The following MIER2 variants were observed in gnomAD, a reference collection of about 807,000 sequenced individuals.
MIER2 encodes MIER family member 2.
Under a neutral mutation model 67.6 loss-of-function variants are expected in MIER2, and 30 were observed. The observed-to-expected ratio is 0.44, with a 90% CI of 0.33 to 0.60. MIER2 has a LOEUF of 0.60. Among genes scored for constraint, MIER2 ranks in the 20% least tolerant of loss-of-function variants. MIER2 has a pLI of 0.02. For synonymous variants in MIER2, 372 were observed against 312.6 expected, an observed-to-expected ratio of 1.19 and a Z score of -2.00; for missense variants, 702 against 745.1, an observed-to-expected ratio of 0.94 and a Z score of 0.67.
chr19:339,005 T>C (rs182557483), intron 1 of MIER2, among the ~76,000 whole-genome samples: 6 of 149,096 alleles, frequency 4.0e-5, no homozygotes, highest in Admixed American at 1.3e-4. Flanking sequence ...AATCTAAAAA[T>C]GTGGTGGGAA....
intron 7 of MIER2, among the ~76,000 whole-genome samples, chr19:325,262 A>G (rs1971686996): frequency 1.3e-5 from 2 of 152,234 alleles, no homozygotes; most frequent in South Asian, 4.1e-4. Flanking sequence ...GGTGCAGCGC[A>G]GCATCCGGCG....
In MIER2 at chr19:308,540, G is replaced by A. The variant is rs751152494; in HGVS notation, c.1198+37C>T. 35 of 1,547,270 alleles carry A rather than the reference G, an allele frequency of 2.3e-5. No homozygotes were observed. Among genetic ancestry groups the A allele is most frequent in the Admixed American group, 5.8e-5 (3 of 51,598 alleles). ...CCTCACTCACGGCTCCAGACCCGTG[G>A]CCGCCCCCAGGGCAGGAGATACTCC... is the stretch of plus-strand genomic sequence containing the variant. On this transcript the variant is annotated intron_variant, in intron 12 of 13. Coordinates refer to ENST00000264819, the MANE Select transcript of MIER2 (RefSeq NM_017550.3). The surrounding 1 kb of genome is among the most constrained non-coding windows in gnomAD (Gnocchi z 9.1).
chr19:314,178 C>T (rs1369124514), intron 7 of MIER2, among the ~76,000 whole-genome samples: 2 of 152,172 alleles, frequency 1.3e-5, no homozygotes, highest in African/African-American at 2.4e-5. Flanking sequence ...GGCACTGTCG[C>T]GCTCTAACCC....
chr19:307,930 C>G (rs931653495), intron 12 of MIER2, among the ~76,000 whole-genome samples: 8 of 117,996 alleles, frequency 6.8e-5, no homozygotes, highest in Admixed American at 4.0e-4. Flanking sequence ...TTCCCACAGG[C>G]AGCGCAAGGG....
rs993569471 is a variant in MIER2 at position 309,004 on chromosome 19, G to T, written c.985-79C>A. 9.8e-6 allele frequency: 15 copies of T among 1,538,202 alleles called. No individual in the cohort carries two copies. The African/African-American group carries it at 1.9e-4, about 20-fold the overall frequency. The stretch of plus-strand genomic sequence containing the variant: ...CTGCACCACGATCCCAGGACGTCCT[G>T]GGACCCCGGGACAGCACAGAAGGAG... On this transcript the variant is annotated intron_variant, in intron 10 of 13. Transcript: ENST00000264819.
chr19:325,975 G>A (rs893548709), intron 6 of MIER2, among the ~76,000 whole-genome samples: 3 of 152,238 alleles, frequency 2.0e-5, no homozygotes, highest in African/African-American at 7.2e-5. Flanking sequence ...GTCAGCAGCA[G>A]GGGCCCAGGC....
rs142128957 is a variant in MIER2 at position 309,399 on chromosome 19, C to A, written c.985-474G>T. Among the ~76,000 whole-genome samples the A allele has an allele frequency of 1.5e-3, 232 of 152,254 alleles. 1 individual carries two copies. Among genetic ancestry groups the A allele is most frequent in the South Asian group, 3.5e-3 (17 of 4,822 alleles). ...TTCCCCGGGAGGAAGAGGCACAAGC[C>A]CGCGGCGCCTGCTTTCCCACCGAAC... is the stretch of plus-strand genomic sequence containing the variant. On this transcript the variant is annotated intron_variant, in intron 10 of 13. Coordinates refer to ENST00000264819, the MANE Select transcript of MIER2 (RefSeq NM_017550.3).
Position 312,002 on chromosome 19 carries a change from GCCC to G in MIER2, c.890-66_890-64del. On this transcript the variant is annotated intron_variant, in intron 9 of 13. Transcript: ENST00000264819. Reference sequence around the variant, plus strand: ...AGGGCGGGGCCGCAGCGGAAGGAAGGCCCAGGCCGGGGAGAACAGTCAGCGGCG... The same window carrying G: ...AGGGCGGGGCCGCAGCGGAAGGAAGGAGGCCGGGGAGAACAGTCAGCGGCG... 3.8e-6 allele frequency: 5 copies of G among 1,332,622 alleles called. No individual in the cohort carries two copies. In the South Asian group the frequency reaches 4.7e-5, roughly 13 times the overall value. 82.5% of individuals were successfully genotyped at this position (1,332,622 alleles called of 1,614,324 possible). A position where few individuals can be genotyped will look rare whatever the true frequency, so the allele number is the denominator to read the frequency against.
At chr19:336,062 G>T (rs1972239508) in intron 2 of MIER2, 21 bp downstream of exon 2, 1 of 1,611,152 alleles carries the variant, frequency 6.2e-7, no homozygotes. Context: ...ACCTGAGCAG[G>T]GGAAGGAGGG....
At chr19:317,539 T>TAAATAAATAAAA (rs1971302560) in intron 7 of MIER2, among the ~76,000 whole-genome samples, 1 of 141,592 alleles carries the variant, frequency 7.1e-6, no homozygotes, top group Admixed American at 6.9e-5. Flanking sequence ...AAAAAATAAA[T>TAAATAAATAAAA]AAATAAATAA....
At chr19:344,415 C>G in intron 1 of MIER2, 1 of 982,402 alleles carries the variant, frequency 1.0e-6, no homozygotes. Context: ...GGGCCGGGGC[C>G]GGGAACCGGA....
chr19:336,642 G>A (rs1972270952), intron 1 of MIER2, among the ~76,000 whole-genome samples: 2 of 152,208 alleles, frequency 1.3e-5, no homozygotes, highest in Non-Finnish European at 1.5e-5. Context: ...GAGAGTGACT[G>A]CTAACGGGGA....
chr19:327,218 C>T lies in MIER2; in HGVS notation c.408G>A (p.Glu136=). Residue 136 remains glutamate, a synonymous_variant, in exon 5 of 14, where the codon GAG becomes GAA. Transcript: ENST00000264819. The part of the protein sequence containing the change: ...IAKDLLSGEE[E]EETQSSADDL... ...CGTCAGCAGATGATTGCGTCTCTTC[C>T]TCTTCTTCCCCTGAAAGCAAATCCT... is the stretch of plus-strand genomic sequence containing the variant. The T allele has an allele frequency of 6.3e-7, 1 of 1,588,356 alleles. No individual in the cohort carries two copies. Among genetic ancestry groups the T allele is most frequent in the Non-Finnish European group, 8.5e-7 (1 of 1,172,476 alleles).
At chr19:334,134 C>T in intron 3 of MIER2, 3 of 384,072 alleles carry the variant, frequency 7.8e-6, no homozygotes, top group Non-Finnish European at 9.5e-6. Context: ...CTGAAACTCT[C>T]AATAATTTTT....
Position 342,577 on chromosome 19 carries a change from G to T in MIER2, c.9+2197C>A, listed in dbSNP as rs544042841. Among the ~76,000 whole-genome samples the T allele has an allele frequency of 6.2e-4, 94 of 150,456 alleles. 1 individual carries two copies. Among genetic ancestry groups the T allele is most frequent in the Non-Finnish European group, 1.2e-3 (81 of 67,754 alleles). On this transcript the variant is annotated intron_variant, in intron 1 of 13. Transcript: ENST00000264819. ...TGGAGGGTTTTAGGTAGGAGCAAAA[G>T]ATGGTGCTCTTAGGTTTTTAAAAGA...
In MIER2 at chr19:320,851, C is replaced by T. The variant is rs540137476; in HGVS notation, c.655+4784G>A. ...TGTGGATTCACTAACACTGAACTCA[C>T]GGCCAGCAGCCCCAGAGCTTGCGCC... is the stretch of plus-strand genomic sequence containing the variant. On this transcript the variant is annotated intron_variant, in intron 7 of 13. Transcript: ENST00000264819. 9.3e-4 allele frequency among the ~76,000 whole-genome samples: 142 copies of T among 152,334 alleles called. 1 individual carries two copies. The highest frequency in any genetic ancestry group is 1.7e-3 in the Non-Finnish European group (114 of 68,022).
chr19:314,654 C>A (rs762993835), intron 7 of MIER2, among the ~76,000 whole-genome samples: 3 of 151,974 alleles, frequency 2.0e-5, no homozygotes, highest in Non-Finnish European at 4.4e-5. Context: ...AACAGGCAGA[C>A]ACCACAGCCA....
intron 1 of MIER2, chr19:340,702 T>C (rs1052679080): frequency 6.6e-6 from 1 of 152,224 alleles, no homozygotes; most frequent in African/African-American, 2.4e-5. Context: ...TACAGCAACG[T>C]ACAGCAAAGC....
chr19:336,198 A>G, intron 1 of MIER2, 25 bp from the exon 2 acceptor site: 1 of 1,600,438 alleles, frequency 6.2e-7, no homozygotes, highest in East Asian at 2.2e-5. Flanking sequence ...AGGCAGGGTT[A>G]GCTCGGCCGG....
Sources: allele counts gnomAD v4.1 joint callset (sites outside exome capture counted in the v4.1 genomes callset), GRCh38; gene constraint gnomAD v4.1.1; non-coding constraint Gnocchi (gnomAD v3.1); transcripts MANE v1.5; gene names NCBI Gene and HGNC (gene_info 2026-07-23, HGNC 2026-07-21).